Variants in CACNA1H observed in about 807,000 individuals in gnomAD.
CACNA1H encodes the protein calcium voltage-gated channel subunit alpha1 H.
A neutral mutation model predicts 192.5 loss-of-function variants in CACNA1H; 149 were observed. That is an observed-to-expected ratio of 0.77 (90% CI 0.68 to 0.89). The LOEUF (loss-of-function observed/expected upper bound fraction) is 0.89. Among genes scored for constraint, CACNA1H ranks in the 40% least tolerant of loss-of-function variants. The pLI, the probability that CACNA1H is intolerant of heterozygous loss-of-function variation, is 0.00. For synonymous variants in CACNA1H, 2,202 were observed against 1,475.2 expected (o/e 1.49, Z -11.29); for missense variants, 4,257 against 3,423.5 (o/e 1.24, Z -6.08).
chr16:1,180,869 A>C lies in CACNA1H; in HGVS notation c.300-14103A>C, dbSNP rs1596339512. Among the ~76,000 whole-genome samples, 2 of 152,176 alleles carry C rather than the reference A, an allele frequency of 1.3e-5. No homozygotes were observed. The highest frequency in any genetic ancestry group is 4.8e-5 in the African/African-American group (2 of 41,454). On this transcript the variant is annotated intron_variant, in intron 2 of 34. Coordinates refer to ENST00000348261, the MANE Select transcript of CACNA1H (RefSeq NM_021098.3). This position sits in a 1 kb window ranked among gnomAD's most constrained non-coding sequence, Gnocchi z 4.4. Reference sequence around the variant, plus strand: ...CGGGCCAGCACCCGACCTGGCCGCCAGCGTGCTGAGGACAGACCTGCTGGG... The same window carrying C: ...CGGGCCAGCACCCGACCTGGCCGCCCGCGTGCTGAGGACAGACCTGCTGGG...
intron 2 of CACNA1H, chr16:1,160,274 C>A (rs142630576): frequency 6.6e-6 from 1 of 152,252 alleles, no homozygotes; most frequent in Admixed American, 6.5e-5. Context: ...TCCTCAGTGG[C>A]TCATGTTGGC....
intron 13 of CACNA1H, 62 bp downstream of exon 13, chr16:1,207,180 G>T (rs1968833639): frequency 1.9e-6 from 3 of 1,548,112 alleles, no homozygotes; most frequent in Non-Finnish European, 2.6e-6. Context: ...AGAGGTGGAG[G>T]TGCCGTCCTG....
chr16:1,219,068 C>T lies in CACNA1H; in HGVS notation c.5986C>T (p.His1996Tyr). The change falls in exon 34 of 35, where the codon CAC (histidine) becomes TAC (tyrosine). Residue 1996 changes from histidine (H) to tyrosine (Y), a missense_variant. His to Tyr is a moderately conservative substitution (Grantham distance 83, BLOSUM62 2). Transcript: ENST00000348261. Reference sequence around the variant, plus strand: ...CCCAGCCAGGAGCGGCGAGCCCCTCCACGCCCTGTCCCCTCGGGGCACAGC... The same window carrying T: ...CCCAGCCAGGAGCGGCGAGCCCCTCTACGCCCTGTCCCCTCGGGGCACAGC... ...SSPARSGEPL[H>Y]ALSPRGTARS... The T allele has an allele frequency of 6.5e-7, 1 of 1,549,876 alleles. No homozygotes were observed. Among genetic ancestry groups the T allele is most frequent in the Non-Finnish European group, 8.7e-7 (1 of 1,146,808 alleles).
chr16:1,195,675 A>G, intron 4 of CACNA1H, 110 bp downstream of exon 4: 1 of 1,298,280 alleles, frequency 7.7e-7, no homozygotes, highest in Non-Finnish European at 1.1e-6. Context: ...TTCTAGAGGG[A>G]TCCAGGTAGA....
rs61363916 is a variant in CACNA1H, at chr16:1,202,125, C to T, written c.1675C>T (p.Pro559Ser). ...RLVRAGAPPS[P>S]PSPGRGPPDA... ...GGTCCGAGCTGGCGCGCCCCCCTCG[C>T]CACCTTCCCCAGGCCGCGGACCCCC... Residue 559 changes from proline (P) to serine (S), a missense_variant, in exon 9 of 35, where the codon CCA becomes TCA. By Grantham distance (74) the Pro-to-Ser change is moderately conservative. Transcript: ENST00000348261. The T allele has an allele frequency of 2.6e-6, 4 of 1,547,424 alleles. No individual in the cohort carries two copies. The highest frequency in any genetic ancestry group is 1.4e-5 in the African/African-American group (1 of 73,012).
chr16:1,206,014 C>A, intron 11 of CACNA1H, 90 bp from the exon 12 acceptor site: 1 of 1,286,570 alleles, frequency 7.8e-7, no homozygotes, highest in Non-Finnish European at 1.1e-6. Context: ...GCCGCTGTGG[C>A]TCCCTGGCTG....
In CACNA1H at chr16:1,204,038, G is replaced by T; in HGVS notation, c.2031G>T (p.Ser677=). The change falls in exon 10 of 35, where the codon TCG becomes TCT. Residue 677 remains serine, a synonymous_variant. Coordinates refer to ENST00000348261, the MANE Select transcript of CACNA1H (RefSeq NM_021098.3). ...HGLGQAPGHL[S]GLSVPCPLPS... ...TGGGCCAGGCCCCTGGCCATCTGTCGGGCCTCAGTGTGCCCTGCCCCCTGC... is the reference window on the plus strand; with the variant it reads ...TGGGCCAGGCCCCTGGCCATCTGTCTGGCCTCAGTGTGCCCTGCCCCCTGC... 6.4e-7 allele frequency: 1 copy of T among 1,572,512 alleles called. No homozygotes were observed.
Position 1,210,873 on chromosome 16 carries a change from C to T in CACNA1H, c.4125C>T (p.Ser1375=), listed in dbSNP as rs1357310736. ...TGGATGGGCTGCTGGTGCTGGTGTC[C>T]CTGGTGGACATTGTCGTGGCCATGG... The part of the protein sequence containing the change: ...NLLDGLLVLV[S]LVDIVVAMAS... The change falls in exon 21 of 35, where the codon TCC becomes TCT. Residue 1375 remains serine (S), a synonymous_variant. Transcript: ENST00000348261. 2.5e-6 allele frequency: 4 copies of T among 1,605,700 alleles called. No homozygotes were observed. Among genetic ancestry groups the T allele is most frequent in the African/African-American group, 1.3e-5 (1 of 75,052 alleles).
Position 1,215,394 on chromosome 16 carries a change from G to T in CACNA1H, c.5173+19G>T, listed in dbSNP as rs753759563. On this transcript the variant is annotated intron_variant, in intron 29 of 34. Transcript: ENST00000348261. ...GCCCGTGGTAGGTGCCCGCGTGCCC[G>T]CCAGGTTCTCTCTGCGGGTGGAGGG... The T allele has an allele frequency of 6.6e-6, 10 of 1,507,076 alleles. No homozygotes were observed. The highest frequency in any genetic ancestry group is 1.8e-4 in the Middle Eastern group (1 of 5,496). 93.4% of individuals were successfully genotyped at this position (1,507,076 alleles called of 1,614,324 possible).
intron 8 of CACNA1H, 61 bp downstream of exon 8, chr16:1,200,869 G>A: frequency 1.5e-6 from 2 of 1,361,396 alleles, no homozygotes; most frequent in Non-Finnish European, 2.0e-6. Context: ...TGGGGGTGGG[G>A]TGGGGTACCT....
In CACNA1H at chr16:1,207,089, C is replaced by A. The variant is rs1299774056; in HGVS notation, c.2878C>A (p.Leu960Met). 6.3e-7 allele frequency: 1 copy of A among 1,599,374 alleles called. No individual in the cohort carries two copies. The highest frequency in any genetic ancestry group is 2.3e-5 in the East Asian group (1 of 44,210). The change falls in exon 13 of 35, where the codon CTG becomes ATG. Residue 960 changes from leucine to methionine, a missense_variant. By Grantham distance (15) the Leu-to-Met change is conservative. Coordinates refer to ENST00000348261, the MANE Select transcript of CACNA1H (RefSeq NM_021098.3). ...TVPDRKNFDSLLWAIVTVFQI... is the reference protein window; with the variant it reads ...TVPDRKNFDSMLWAIVTVFQI... Reference sequence around the variant, plus strand: ...GCCTGACAGGAAGAACTTCGACTCCCTGCTGTGGGCCATCGTCACCGTGTT... The same window carrying A: ...GCCTGACAGGAAGAACTTCGACTCCATGCTGTGGGCCATCGTCACCGTGTT...
At position 1,221,097 on chromosome 16, in the gene CACNA1H, T is replaced by C; in HGVS notation, c.*103T>C. Reference sequence around the variant, plus strand: ...TGCATGGACCCTGACTTGGGTCCCGTCGTGAGCAGAAAGGCCCGGGGAGGA... The same window carrying C: ...TGCATGGACCCTGACTTGGGTCCCGCCGTGAGCAGAAAGGCCCGGGGAGGA... On this transcript the variant is annotated 3_prime_UTR_variant, in exon 35 of 35. Coordinates refer to ENST00000348261, the MANE Select transcript of CACNA1H (RefSeq NM_021098.3). 3.3e-6 allele frequency: 3 copies of C among 899,956 alleles called. No homozygotes were observed. The highest frequency in any genetic ancestry group is 4.9e-6 in the Non-Finnish European group (3 of 606,798). 55.7% of individuals were successfully genotyped at this position (899,956 alleles called of 1,614,324 possible).
chr16:1,155,188 G>A (rs1219106154), intron 2 of CACNA1H, among the ~76,000 whole-genome samples: 1 of 152,222 alleles, frequency 6.6e-6, no homozygotes, highest in African/African-American at 2.4e-5. Context: ...GAGTGAGTCA[G>A]ACTCATCTCT....
Position 1,210,635 on chromosome 16 carries a change from C to G in CACNA1H, c.4022C>G (p.Ala1341Gly), listed in dbSNP as rs371030255. 1 of 1,605,520 alleles carries G rather than the reference C, an allele frequency of 6.2e-7. No homozygotes were observed. Among genetic ancestry groups the G allele is most frequent in the Non-Finnish European group, 8.5e-7 (1 of 1,179,730 alleles). ...TACATCTTCACGGCCATCTTCGTGG[C>G]GGAGATGATGGTGAAGGTACCGCGG... The part of the protein sequence containing the change: ...SNYIFTAIFV[A>G]EMMVKVVALG... The change falls in exon 20 of 35, where the codon GCG becomes GGG. Residue 1341 changes from alanine to glycine, a missense_variant. Coordinates refer to ENST00000348261, the MANE Select transcript of CACNA1H (RefSeq NM_021098.3).
In CACNA1H at chr16:1,210,050, C is replaced by G; in HGVS notation, c.3760C>G (p.Leu1254Val). ...CATCCCACAGAGCTGCTGCCTCCGC[C>G]TGCATAAAGTGCTGGAGCCCTACAA... ...DDSEDSCCLR[L>V]HKVLEPYKPQ... Residue 1254 changes from leucine to valine, a missense_variant, in exon 18 of 35, where the codon CTG (leucine) becomes GTG (valine). Coordinates refer to ENST00000348261, the MANE Select transcript of CACNA1H (RefSeq NM_021098.3). 2 of 1,551,972 alleles carry G rather than the reference C, an allele frequency of 1.3e-6. No homozygotes were observed. The highest frequency in any genetic ancestry group is 1.7e-6 in the Non-Finnish European group (2 of 1,148,206).
At chr16:1,184,942 C>T (rs1000653932) in intron 2 of CACNA1H, among the ~76,000 whole-genome samples, 4 of 152,164 alleles carry the variant, frequency 2.6e-5, no homozygotes, top group Non-Finnish European at 5.9e-5. Context: ...TTTTAAAGCG[C>T]ACGGGTTAGC....
At position 1,211,561 on chromosome 16, in the gene CACNA1H, C is replaced by T. The variant is rs746183343; in HGVS notation, c.4431C>T (p.His1477=). The T allele has an allele frequency of 6.8e-6, 11 of 1,611,920 alleles. No individual in the cohort carries two copies. Among genetic ancestry groups the T allele is most frequent in the Non-Finnish European group, 9.3e-6 (11 of 1,179,502 alleles). ...ISTKAQCRAA[H]YRWVRRKYNF... is the part of the protein sequence containing the mutation. ...CCAAGGCACAGTGCCGGGCCGCCCA[C>T]TACCGCTGGGTGCGACGCAAGTACA... Residue 1477 remains histidine (H), a synonymous_variant, in exon 23 of 35, where the codon CAC becomes CAT. Coordinates refer to ENST00000348261, the MANE Select transcript of CACNA1H (RefSeq NM_021098.3).
rs1223248915 is a variant in CACNA1H at position 1,205,184 on chromosome 16, T to A, written c.2522T>A (p.Leu841Gln). 2 of 1,613,142 alleles carry A rather than the reference T, an allele frequency of 1.2e-6. No homozygotes were observed. Among genetic ancestry groups the A allele is most frequent in the Admixed American group, 1.7e-5 (1 of 60,016 alleles). Residue 841 changes from leucine to glutamine, a missense_variant, in exon 11 of 35, where the codon CTG (leucine) becomes CAG (glutamine). Transcript: ENST00000348261. ...VFTSMFALEM[L>Q]LKLLACGPLG... ...ACCAGCATGTTTGCCCTGGAGATGC[T>A]GCTGAAGCTGCTGGCCTGCGGCCCT...
rs764148791 is a variant in CACNA1H at position 1,220,659 on chromosome 16, G to C, written c.6727G>C (p.Asp2243His). ...EPTEGSGAGG[D>H]PAAKGERWGQ... ...CACAGAGGGCTCAGGCGCCGGGGGG[G>C]ACCCTGCAGCCAAGGGGGAGCGCTG... Residue 2243 changes from aspartate to histidine, a missense_variant, in exon 35 of 35, where the codon GAC becomes CAC. Physicochemically the swap from Asp to His is moderately conservative, Grantham distance 81. Transcript: ENST00000348261. 6 of 1,606,328 alleles carry C rather than the reference G, an allele frequency of 3.7e-6. No homozygotes were observed. Among genetic ancestry groups the C allele is most frequent in the Admixed American group, 1.7e-5 (1 of 59,038 alleles).
Sources: gnomAD v4.1 joint callset for allele counts (sites outside exome capture counted in the v4.1 genomes callset) on GRCh38, gnomAD v4.1.1 for gene constraint, Gnocchi (gnomAD v3.1) non-coding constraint, MANE v1.5 for transcripts, NCBI Gene and HGNC (gene_info 2026-07-23, HGNC 2026-07-21) for gene names.